The following LRP1B variants were observed in gnomAD, a reference collection of about 807,000 sequenced individuals.
The protein encoded by LRP1B is LDL receptor related protein 1B, also known as low-density lipoprotein receptor-related protein 1B.
LRP1B carries 217 observed loss-of-function variants against 556.6 expected under a neutral mutation model. The ratio of observed to expected loss-of-function variants is 0.39; its 90% confidence interval spans 0.35 to 0.44. LRP1B has a LOEUF of 0.44. Ranked by LOEUF, LRP1B falls within the 20% of genes least tolerant of loss-of-function variation. LRP1B has a pLI of 1.00. For synonymous variants in LRP1B, 2,047 were observed against 1,865.8 expected (o/e 1.10, Z -2.50); for missense variants, 5,053 against 5,620.8 (o/e 0.90, Z 3.23).
intron 41 of LRP1B, among the ~76,000 whole-genome samples, chr2:140,643,180 A>T (rs1242276240): frequency 1.3e-5 from 2 of 152,178 alleles, no homozygotes; most frequent in African/African-American, 4.8e-5. Flanking sequence ...ATACAGAAAA[A>T]AAAATGTATA....
chr2:140,514,285 A>G (rs1252063469), intron 51 of LRP1B, among the ~76,000 whole-genome samples: 1 of 151,946 alleles, frequency 6.6e-6, no homozygotes, highest in Non-Finnish European at 1.5e-5. Flanking sequence ...ATAAATTAGT[A>G]TACTAATTTT....
chr2:140,992,459 G>A (rs370413696), intron 16 of LRP1B: 1 of 152,202 alleles, frequency 6.6e-6, no homozygotes, highest in East Asian at 1.9e-4. Context: ...ATATTGTGAT[G>A]CAGTATTTGC....
intron 43 of LRP1B, among the ~76,000 whole-genome samples, chr2:140,547,710 A>G (rs1261457606): frequency 2.6e-5 from 4 of 152,078 alleles, no homozygotes; most frequent in Non-Finnish European, 5.9e-5. Context: ...ACTGTGGCAT[A>G]CTTAGAATGA....
intron 7 of LRP1B, among the ~76,000 whole-genome samples, chr2:141,174,783 G>A (rs1338698381): frequency 6.6e-6 from 1 of 152,098 alleles, no homozygotes; most frequent in Admixed American, 6.6e-5. Flanking sequence ...AACAGTCAGA[G>A]GTTGAAACAG....
At chr2:141,917,012 A>C (rs1700055609) in intron 1 of LRP1B, among the ~76,000 whole-genome samples, 2 of 152,216 alleles carry the variant, frequency 1.3e-5, no homozygotes, top group South Asian at 4.1e-4. Context: ...GATACATTTA[A>C]AAATTTTAAA....
chr2:140,837,825 G>C (rs1473087823), intron 31 of LRP1B, among the ~76,000 whole-genome samples: 1 of 152,072 alleles, frequency 6.6e-6, no homozygotes, highest in African/African-American at 2.4e-5. Flanking sequence ...GATAACATTT[G>C]GAGATATACC....
At position 140,457,484 on chromosome 2, in the gene LRP1B, G is replaced by A. The variant is rs925332093; in HGVS notation, c.9793C>T (p.His3265Tyr). The A allele has an allele frequency of 6.2e-7, 1 of 1,613,116 alleles. No individual in the cohort carries two copies. The highest frequency in any genetic ancestry group is 1.7e-4 in the Middle Eastern group (1 of 6,048). ...WHAITDIQVY[H>Y]SYRQPDVSKH... ...TTACCATCAGGTTGTCTATAAGAAT[G>A]ATACACCTGGATATCTGTGATGGCA... The change falls in exon 61 of 91, where the codon CAT (histidine) becomes TAT (tyrosine). Residue 3265 changes from histidine (H) to tyrosine (Y), a missense_variant. Physicochemically the swap from His to Tyr is moderately conservative, Grantham distance 83 (BLOSUM62 2). This residue lies in a region of LRP1B where 262 missense variants were observed against 395.1 expected (regional missense o/e 0.66). Coordinates refer to ENST00000389484, the MANE Select transcript of LRP1B (RefSeq NM_018557.3).
chr2:140,739,054 C>G (rs921913445), intron 35 of LRP1B, among the ~76,000 whole-genome samples: 3 of 152,214 alleles, frequency 2.0e-5, no homozygotes, highest in Middle Eastern at 3.4e-3. Flanking sequence ...TGCCACATTC[C>G]CCATTAAGCT....
chr2:141,157,221 C>T (rs1011249535), intron 7 of LRP1B, among the ~76,000 whole-genome samples: 46 of 152,064 alleles, frequency 3.0e-4, no homozygotes, highest in South Asian at 6.2e-4. Context: ...GTTTATGTGA[C>T]TTTATAAATG....
chr2:141,807,267 C>T (rs537482826), intron 2 of LRP1B, among the ~76,000 whole-genome samples: 33 of 102,976 alleles, frequency 3.2e-4, no homozygotes, highest in African/African-American at 1.6e-3. Context: ...ATTTTCATAA[C>T]GCTTTTTTTT....
intron 42 of LRP1B, among the ~76,000 whole-genome samples, chr2:140,600,767 G>GTTTTTTTTTTTTTTTTTTTTTTTTT (rs61336155): frequency 8.8e-5 from 5 of 56,896 alleles, no homozygotes; most frequent in African/African-American, 1.4e-4. Flanking sequence ...GTTCTTCGGG[G>GTTTTTTTTTTTTTTTTTTTTTTTTT]TTTTTTTTTT....
intron 1 of LRP1B, among the ~76,000 whole-genome samples, chr2:142,117,410 T>C (rs1433748701): frequency 6.6e-6 from 1 of 152,054 alleles, no homozygotes; most frequent in Non-Finnish European, 1.5e-5. Context: ...AAATATCTAG[T>C]CATTATGCTC....
intron 3 of LRP1B, among the ~76,000 whole-genome samples, chr2:141,418,743 T>C (rs1559059974): frequency 6.6e-6 from 1 of 150,826 alleles, no homozygotes; most frequent in Non-Finnish European, 1.5e-5. Flanking sequence ...ATATGAATTT[T>C]AGAATTTTTT....
At chr2:141,488,086 C>A (rs1574004013) in intron 2 of LRP1B, among the ~76,000 whole-genome samples, 1 of 152,060 alleles carries the variant, frequency 6.6e-6, no homozygotes, top group East Asian at 1.9e-4. Context: ...CTATATCACA[C>A]TTTTTTTGGT....
At chr2:140,766,440 T>C (rs1306632073) in intron 35 of LRP1B, among the ~76,000 whole-genome samples, 3 of 151,994 alleles carry the variant, frequency 2.0e-5, no homozygotes, top group Admixed American at 1.3e-4. Context: ...GTAAAGTAGA[T>C]GGAAGTAACA....
At chr2:141,590,807 A>G (rs975884318) in intron 2 of LRP1B, among the ~76,000 whole-genome samples, 1 of 152,126 alleles carries the variant, frequency 6.6e-6, no homozygotes, top group Non-Finnish European at 1.5e-5. Flanking sequence ...TTGCCACATG[A>G]CAGTGACTGC....
intron 2 of LRP1B, among the ~76,000 whole-genome samples, chr2:141,544,339 TCTTCTTCTTC>T (rs1685436540): frequency 1.3e-5 from 1 of 77,168 alleles, no homozygotes; most frequent in African/African-American, 5.1e-5. Context: ...TTCTTCTTCT[TCTTCTTCTTC>T]TTCTTCTTCT....
At chr2:141,714,597 C>A (rs960986749) in intron 2 of LRP1B, among the ~76,000 whole-genome samples, 1 of 151,602 alleles carries the variant, frequency 6.6e-6, no homozygotes, top group African/African-American at 2.4e-5. Flanking sequence ...TTTCTCTCTT[C>A]AAAGAAATTT....
intron 43 of LRP1B, among the ~76,000 whole-genome samples, chr2:140,561,687 AT>A (rs1191640610): frequency 6.6e-6 from 1 of 152,156 alleles, no homozygotes; most frequent in African/African-American, 2.4e-5. Context: ...AAAGAAAAAA[AT>A]AACATCTATA....
Sources: gnomAD v4.1 joint callset for allele counts (sites outside exome capture counted in the v4.1 genomes callset) on GRCh38, gnomAD v4.1.1 for gene constraint, gnomAD v4.1.1 regional missense constraint, MANE v1.5 for transcripts, NCBI Gene and HGNC (gene_info 2026-07-23, HGNC 2026-07-21) for gene names.